Variants in FBXW7 observed in about 807,000 individuals in gnomAD.
FBXW7 encodes the protein F-box/WD repeat-containing protein 7.
Under a neutral mutation model 86.3 loss-of-function variants are expected in FBXW7, and 11 were observed. The observed-to-expected ratio is 0.13, with a 90% CI of 0.08 to 0.21. The LOEUF (loss-of-function observed/expected upper bound fraction) is 0.21. FBXW7 is among the 10% of genes least tolerant of loss of function. The probability of loss-of-function intolerance (pLI) is 1.00; values close to 1 mark genes in which losing one functional copy is unlikely to be tolerated. For missense variants in FBXW7, 488 were observed against 847.4 expected (o/e 0.58, Z 5.27); for synonymous variants, 313 against 297.9 (o/e 1.05, Z -0.52).
At chr4:152,352,325 TTC>T in intron 4 of FBXW7, 3 of 854,540 alleles carry the variant, frequency 3.5e-6, no homozygotes, top group Non-Finnish European at 5.4e-6. Flanking sequence ...TTTGCTTACA[TTC>T]ATGATATAAA....
Position 152,370,660 on chromosome 4 carries a change from TTC to T in FBXW7, c.502-20538_502-20537del, listed in dbSNP as rs1427332560. Among the ~76,000 whole-genome samples, 11 of 152,058 alleles carry T rather than the reference TTC, an allele frequency of 7.2e-5. No individual in the cohort carries two copies. The East Asian group carries it at 2.1e-3, about 29-fold the overall frequency. Reference sequence around the variant, plus strand: ...TACTTTCAATGGCCACTTTCAACTATTCTCTCTCTCAAAGAAAAACAAATATG... The same window carrying T: ...TACTTTCAATGGCCACTTTCAACTATTCTCTCTCAAAGAAAAACAAATATG... On this transcript the variant is annotated intron_variant, in intron 4 of 13. Transcript: ENST00000281708.
intron 4 of FBXW7, among the ~76,000 whole-genome samples, chr4:152,394,196 G>T (rs952537307): frequency 6.6e-6 from 1 of 152,018 alleles, no homozygotes; most frequent in Non-Finnish European, 1.5e-5. Flanking sequence ...GAAAAACTTA[G>T]ATATTTTCTG....
chr4:152,441,098 T>G (rs1740856277), intron 2 of FBXW7, among the ~76,000 whole-genome samples: 1 of 152,196 alleles, frequency 6.6e-6, no homozygotes, highest in Non-Finnish European at 1.5e-5. Context: ...CAGACCTACC[T>G]ACATAGAATG....
At chr4:152,491,616 G>A (rs1194761498) in intron 2 of FBXW7, among the ~76,000 whole-genome samples, 1 of 152,096 alleles carries the variant, frequency 6.6e-6, no homozygotes, top group African/African-American at 2.4e-5. Flanking sequence ...ATCAGGGTAC[G>A]ATTCACAGAG....
chr4:152,505,348 AT>A (rs1747318289), intron 2 of FBXW7, among the ~76,000 whole-genome samples: 1 of 151,846 alleles, frequency 6.6e-6, no homozygotes, highest in Non-Finnish European at 1.5e-5. Context: ...TTATTTTAAA[AT>A]TTTTTCTTTC....
chr4:152,424,217 G>C (rs145080518), intron 2 of FBXW7, among the ~76,000 whole-genome samples: 1 of 152,186 alleles, frequency 6.6e-6, no homozygotes, highest in East Asian at 1.9e-4. Context: ...GTAGGGCCCA[G>C]TTTCTGCATT....
chr4:152,396,506 T>C (rs904872931), intron 4 of FBXW7, among the ~76,000 whole-genome samples: 3 of 152,044 alleles, frequency 2.0e-5, no homozygotes, highest in African/African-American at 7.2e-5. Context: ...CAGTGTTTTC[T>C]CCAGACACGT....
Position 152,460,260 on chromosome 4 carries a change from TCATTA to T in FBXW7, c.-119-47736_-119-47732del, listed in dbSNP as rs1462280692. On this transcript the variant is annotated intron_variant, in intron 2 of 13. Coordinates refer to ENST00000281708, the MANE Select transcript of FBXW7 (RefSeq NM_001349798.2). ...GACTATTAACACGTTAATTTGTATG[TCATTA>T]CATATTAAAAATTGTACAATATGTA... is the stretch of plus-strand genomic sequence containing the variant. Among the ~76,000 whole-genome samples, 6 of 152,252 alleles carry T rather than the reference TCATTA, an allele frequency of 3.9e-5. No individual in the cohort carries two copies. In the East Asian group the frequency reaches 1.2e-3, roughly 29 times the overall value.
rs964214042 is a variant in FBXW7, at chr4:152,384,686, G to A, written c.501+26617C>T. 2.0e-5 allele frequency among the ~76,000 whole-genome samples: 3 copies of A among 151,796 alleles called. No individual in the cohort carries two copies. The East Asian group carries it at 5.8e-4, about 29-fold the overall frequency. On this transcript the variant is annotated intron_variant, in intron 4 of 13. Coordinates refer to ENST00000281708, the MANE Select transcript of FBXW7 (RefSeq NM_001349798.2). ...GTTAAAATATTAAATTTCATGTTAT[G>A]GATATTTAACCATAAATTTTAAATG...
intron 2 of FBXW7, among the ~76,000 whole-genome samples, chr4:152,508,233 C>T (rs1460684862): frequency 6.6e-6 from 1 of 151,894 alleles, no homozygotes; most frequent in Non-Finnish European, 1.5e-5. Context: ...TCTGTAAGTC[C>T]ATCTGATATA....
rs543464255 is a variant in FBXW7 at position 152,496,648 on chromosome 4, C to T, written c.-120+38293G>A. On this transcript the variant is annotated intron_variant, in intron 2 of 13. Transcript: ENST00000281708. ...AGCCGAGATCACAACAAAAGCAAGA[C>T]TCCATCTCAAAAAAAAAAGAAAAAG... 5.9e-5 allele frequency among the ~76,000 whole-genome samples: 9 copies of T among 151,462 alleles called. No individual in the cohort carries two copies. The East Asian group carries it at 1.7e-3, about 29-fold the overall frequency.
chr4:152,521,288 A>G (rs891396726), intron 2 of FBXW7, among the ~76,000 whole-genome samples: 5 of 152,194 alleles, frequency 3.3e-5, no homozygotes, highest in African/African-American at 1.2e-4. Context: ...ATCAGGACAC[A>G]CTTCCTAGGA....
intron 2 of FBXW7, among the ~76,000 whole-genome samples, chr4:152,418,458 A>T (rs1012512762): frequency 6.6e-6 from 1 of 152,158 alleles, no homozygotes; most frequent in African/African-American, 2.4e-5. Context: ...GTGAGGAAGG[A>T]TATCAGCAAG....
chr4:152,536,001 G>A lies in FBXW7; in HGVS notation c.-1087C>T. On this transcript the variant is annotated 5_prime_UTR_variant, in exon 1 of 14. Transcript: ENST00000281708. ...ATGCTCCTTCGCTCTCAGTCTCAGC[G>A]GCGGCGGCGGCGGCAGCGGCAGCGG... 9.5e-6 allele frequency: 2 copies of A among 209,930 alleles called. No homozygotes were observed. The highest frequency in any genetic ancestry group is 1.8e-5 in the Non-Finnish European group (2 of 109,528). 13.0% of individuals were successfully genotyped at this position (209,930 alleles called of 1,614,324 possible).
chr4:152,339,325 G>T (rs184973493), intron 6 of FBXW7, among the ~76,000 whole-genome samples: 81 of 152,270 alleles, frequency 5.3e-4, no homozygotes, highest in African/African-American at 1.9e-3. Flanking sequence ...TCATAAACAT[G>T]TATATGTACA....
intron 4 of FBXW7, among the ~76,000 whole-genome samples, chr4:152,398,716 T>C (rs1479070271): frequency 6.6e-6 from 1 of 152,056 alleles, no homozygotes; most frequent in Non-Finnish European, 1.5e-5. Context: ...CTTGATTCTT[T>C]TTATCATATT....
chr4:152,389,308 A>T (rs1735800641), intron 4 of FBXW7, among the ~76,000 whole-genome samples: 2 of 152,104 alleles, frequency 1.3e-5, no homozygotes, highest in African/African-American at 2.4e-5. Flanking sequence ...AAAAGAAATC[A>T]TTATTTTAAA....
chr4:152,362,471 C>T (rs1347531997), intron 4 of FBXW7, among the ~76,000 whole-genome samples: 1 of 152,148 alleles, frequency 6.6e-6, no homozygotes, highest in East Asian at 1.9e-4. Context: ...TCATTTTAAA[C>T]CTTTCCTTTA....
intron 2 of FBXW7, among the ~76,000 whole-genome samples, chr4:152,448,110 T>C (rs1359864279): frequency 6.6e-6 from 1 of 152,210 alleles, no homozygotes; most frequent in Non-Finnish European, 1.5e-5. Context: ...TAATCTAATC[T>C]TTAAAATAAG....
Sources: gnomAD v4.1 joint callset for allele counts (sites outside exome capture counted in the v4.1 genomes callset) on GRCh38, gnomAD v4.1.1 for gene constraint, MANE v1.5 for transcripts, NCBI Gene and HGNC (gene_info 2026-07-23, HGNC 2026-07-21) for gene names.